The following SYT17 variants were observed in gnomAD, a reference collection of about 807,000 sequenced individuals.
SYT17 encodes synaptotagmin-17.
Under a neutral mutation model 46.7 loss-of-function variants are expected in SYT17, and 22 were observed. That is an observed-to-expected ratio of 0.47 (90% confidence interval 0.34 to 0.67). SYT17 has a LOEUF of 0.67. Among genes scored for constraint, SYT17 ranks in the 30% least tolerant of loss-of-function variants. The pLI is 0.01. For missense variants in SYT17, 519 were observed against 612.8 expected (o/e 0.85, Z 1.62); for synonymous variants, 251 against 248.4 (o/e 1.01, Z -0.10).
chr16:19,224,605 G>A, intron 6 of SYT17, 78 bp from the exon 7 acceptor site: 2 of 1,485,188 alleles, frequency 1.3e-6, no homozygotes, highest in East Asian at 2.3e-5. Flanking sequence ...AGATGGATGG[G>A]AGGTTGAATG....
At chr16:19,171,666 G>C (rs1017672025) in intron 1 of SYT17, 1 of 151,892 alleles carries the variant, frequency 6.6e-6, no homozygotes, top group African/African-American at 2.4e-5. Flanking sequence ...TCTATAAATG[G>C]GCTCATTTTT....
intron 5 of SYT17, among the ~76,000 whole-genome samples, chr16:19,222,355 G>T (rs1056167724): frequency 6.6e-6 from 1 of 152,016 alleles, no homozygotes; most frequent in Non-Finnish European, 1.5e-5. Context: ...GGTACCTTTG[G>T]CAGTATGGAG....
intron 7 of SYT17, chr16:19,249,797 G>T: frequency 1.4e-6 from 1 of 726,900 alleles, no homozygotes; most frequent in Non-Finnish European, 2.1e-6. Context: ...GGCCCTGGTT[G>T]GTGTTTCTGG....
chr16:19,182,716 A>G (rs1384909219), intron 4 of SYT17, among the ~76,000 whole-genome samples: 2 of 152,240 alleles, frequency 1.3e-5, no homozygotes, highest in Non-Finnish European at 2.9e-5. Flanking sequence ...AGGGATGTGC[A>G]AAGGTTGGAA....
intron 7 of SYT17, among the ~76,000 whole-genome samples, chr16:19,230,243 A>C (rs1255504786): frequency 6.6e-6 from 1 of 152,018 alleles, no homozygotes; most frequent in Non-Finnish European, 1.5e-5. Context: ...CCCCATCTCT[A>C]TAAAAATACA....
At chr16:19,223,266 C>T (rs1398797082) in intron 6 of SYT17, 101 bp downstream of exon 6, 1 of 1,436,586 alleles carries the variant, frequency 7.0e-7, no homozygotes, top group East Asian at 2.3e-5. Flanking sequence ...GAGCATTACT[C>T]ATCTCAGGAT....
At chr16:19,188,389 G>A (rs899953485) in intron 5 of SYT17, among the ~76,000 whole-genome samples, 8 of 151,792 alleles carry the variant, frequency 5.3e-5, no homozygotes, top group African/African-American at 1.9e-4. Flanking sequence ...ATGGGTACTA[G>A]GCTTAATACC....
At chr16:19,188,575 T>C (rs1964882611) in intron 5 of SYT17, among the ~76,000 whole-genome samples, 1 of 148,910 alleles carries the variant, frequency 6.7e-6, no homozygotes, top group African/African-American at 2.5e-5. Context: ...TTGGCCGGGT[T>C]CCCTAGAAGC....
chr16:19,228,298 C>A (rs1966566994), intron 7 of SYT17, among the ~76,000 whole-genome samples: 1 of 152,188 alleles, frequency 6.6e-6, no homozygotes, highest in South Asian at 2.1e-4. Context: ...CTGATGCTGT[C>A]AGGGAAGTCC....
chr16:19,247,729 T>C (rs1389442082), intron 7 of SYT17, among the ~76,000 whole-genome samples: 3 of 152,254 alleles, frequency 2.0e-5, no homozygotes, highest in South Asian at 2.1e-4. Context: ...TTTAAAATCA[T>C]CTTTATTTTT....
intron 3 of SYT17, among the ~76,000 whole-genome samples, chr16:19,176,803 C>T (rs532891023): frequency 3.3e-5 from 5 of 152,256 alleles, no homozygotes; most frequent in Admixed American, 2.0e-4. Context: ...AGGTGAGAGC[C>T]GCGGCAACCG....
intron 7 of SYT17, among the ~76,000 whole-genome samples, chr16:19,238,602 C>A (rs544824143): frequency 1.3e-5 from 2 of 152,330 alleles, no homozygotes; most frequent in South Asian, 4.1e-4. Context: ...TGCCAGGGCT[C>A]CTGAGGGTTT....
intron 7 of SYT17, among the ~76,000 whole-genome samples, chr16:19,265,403 G>A (rs991309475): frequency 2.8e-4 from 43 of 152,170 alleles, no homozygotes; most frequent in African/African-American, 1.0e-3. Context: ...AGTATTTCAC[G>A]TAGCCTAGTT....
intron 5 of SYT17, among the ~76,000 whole-genome samples, chr16:19,212,769 G>T (rs1196962121): frequency 6.6e-6 from 1 of 152,224 alleles, no homozygotes; most frequent in Non-Finnish European, 1.5e-5. Context: ...AGACTTCACA[G>T]AGTTGGAGAT....
chr16:19,178,332 G>A (rs958461117), intron 3 of SYT17, among the ~76,000 whole-genome samples: 22 of 151,832 alleles, frequency 1.4e-4, no homozygotes, highest in Admixed American at 3.9e-4. Flanking sequence ...TGATCCACCC[G>A]CCTCAGCCTC....
At chr16:19,243,186 G>A (rs540965750) in intron 7 of SYT17, among the ~76,000 whole-genome samples, 4 of 152,272 alleles carry the variant, frequency 2.6e-5, no homozygotes, top group Admixed American at 2.0e-4. Flanking sequence ...TCAGTAGGGC[G>A]GGCAGTGGGC....
intron 5 of SYT17, among the ~76,000 whole-genome samples, chr16:19,198,994 G>A (rs1166209351): frequency 6.6e-6 from 1 of 152,146 alleles, no homozygotes; most frequent in Non-Finnish European, 1.5e-5. Context: ...TGGGTGGGTG[G>A]CCCAGGTTTC....
At chr16:19,209,639 G>C (rs1567213515) in intron 5 of SYT17, among the ~76,000 whole-genome samples, 1 of 152,092 alleles carries the variant, frequency 6.6e-6, no homozygotes, top group Non-Finnish European at 1.5e-5. Flanking sequence ...GGGAGACCGA[G>C]GTGGGCGGAT....
At chr16:19,179,207 A>G (rs1474430172) in intron 3 of SYT17, among the ~76,000 whole-genome samples, 3 of 152,090 alleles carry the variant, frequency 2.0e-5, no homozygotes, top group Non-Finnish European at 4.4e-5. Context: ...AGCCCACTGC[A>G]GCCTCAAACT....
Sources: allele counts gnomAD v4.1 joint callset (sites outside exome capture counted in the v4.1 genomes callset), GRCh38; gene constraint gnomAD v4.1.1; transcripts MANE v1.5; gene names NCBI Gene and HGNC (gene_info 2026-07-23, HGNC 2026-07-21).